Variants in KCNH4 observed in about 807,000 individuals in gnomAD.
KCNH4 encodes potassium voltage-gated channel subfamily H member 4, also known as voltage-gated delayed rectifier potassium channel KCNH4.
KCNH4 carries 33 observed loss-of-function variants against 90.7 expected under a neutral mutation model. That is an observed-to-expected ratio of 0.36 (90% CI 0.28 to 0.49). The LOEUF is 0.49. Among genes scored for constraint, KCNH4 ranks in the 20% least tolerant of loss-of-function variants. The pLI is 0.98. For synonymous variants in KCNH4, 551 were observed against 581.7 expected (o/e 0.95, Z 0.76); for missense variants, 1,044 against 1,387.1 (o/e 0.75, Z 3.93).
In KCNH4 at chr17:42,160,161, A is replaced by G. The variant is rs1256047970; in HGVS notation, c.2933T>C (p.Ile978Thr). The G allele has an allele frequency of 1.2e-6, 2 of 1,612,946 alleles. No homozygotes were observed. Among genetic ancestry groups the G allele is most frequent in the East Asian group, 2.2e-5 (1 of 44,856 alleles). ...AGGCTCTGAGGGGTAGGGGGGCAATATGGAAGGTCTCAAGTCCAGGAGCGC... is the reference window on the plus strand; with the variant it reads ...AGGCTCTGAGGGGTAGGGGGGCAATGTGGAAGGTCTCAAGTCCAGGAGCGC... ...GTALLDLRPS[I>T]LPPYPSEPDP... The change falls in exon 16 of 17, where the codon ATA becomes ACA. Residue 978 changes from isoleucine to threonine, a missense_variant. Ile to Thr is a moderately conservative substitution (Grantham distance 89, BLOSUM62 -1). Transcript: ENST00000264661.
rs1041559829 is a variant in KCNH4, at chr17:42,163,204, T to C, written c.2584+24A>G. The C allele has an allele frequency of 8.7e-6, 13 of 1,498,400 alleles. No individual in the cohort carries two copies. In the African/African-American group the frequency reaches 1.4e-4, roughly 16 times the overall value. 92.8% of individuals were successfully genotyped at this position (1,498,400 alleles called of 1,614,324 possible). On this transcript the variant is annotated intron_variant, in intron 14 of 16. Coordinates refer to ENST00000264661, the MANE Select transcript of KCNH4 (RefSeq NM_012285.3). The surrounding 1 kb of genome is among the most constrained non-coding windows in gnomAD (Gnocchi z 5.4). ...GTGGATGGGCAGATGGATGACGGGG[T>C]TGAAGTCCACTGTTGGCCCTTACCT...
chr17:42,169,822 G>A, intron 8 of KCNH4, 146 bp from the exon 9 acceptor site: 1 of 814,214 alleles, frequency 1.2e-6, no homozygotes, highest in East Asian at 2.6e-5. Context: ...GTGGGGAATA[G>A]GGAGTGGTCC....
chr17:42,162,511 G>A (rs2144120468), intron 14 of KCNH4, among the ~76,000 whole-genome samples, 190 bp from the exon 15 acceptor site: 1 of 152,216 alleles, frequency 6.6e-6, no homozygotes, highest in East Asian at 1.9e-4. Flanking sequence ...GCCTCATCCT[G>A]CCCCTTGCCC....
chr17:42,171,838 A>G lies in KCNH4; in HGVS notation c.1145T>C (p.Val382Ala), dbSNP rs746618708. The G allele has an allele frequency of 2.4e-5, 39 of 1,614,018 alleles. No homozygotes were observed. Among genetic ancestry groups the G allele is most frequent in the Non-Finnish European group, 3.3e-5 (39 of 1,180,024 alleles). ...LAHWMACIWY[V>A]IGRREMEAND... ...GGCCTCCATCTCCCGGCGCCCGATG[A>G]CATACCAGATGCAGGCCATCCAGTG... The change falls in exon 7 of 17, where the codon GTC becomes GCC. Residue 382 changes from valine to alanine, a missense_variant. Coordinates refer to ENST00000264661, the MANE Select transcript of KCNH4 (RefSeq NM_012285.3).
Position 42,165,660 on chromosome 17 carries a change from T to C in KCNH4, c.1874A>G (p.Glu625Gly). Residue 625 changes from glutamate (E) to glycine (G), a missense_variant, in exon 11 of 17, where the codon GAG becomes GGG. By Grantham distance (98) the Glu-to-Gly change is moderately conservative (BLOSUM62 -2). Transcript: ENST00000264661. Reference protein sequence around the residue: ...KGDLIGADIPEPGQEPGLGAD... With the variant: ...KGDLIGADIPGPGQEPGLGAD... ...TCCCAACCCAGGCTCCTGCCCCGGCTCAGGGATATCTGCTCCAATCAGGTC... is the reference window on the plus strand; with the variant it reads ...TCCCAACCCAGGCTCCTGCCCCGGCCCAGGGATATCTGCTCCAATCAGGTC... The C allele has an allele frequency of 2.5e-6, 4 of 1,614,172 alleles. No individual in the cohort carries two copies. The highest frequency in any genetic ancestry group is 2.5e-6 in the Non-Finnish European group (3 of 1,180,030).
At chr17:42,169,775 C>A (rs1293874726) in intron 8 of KCNH4, 99 bp from the exon 9 acceptor site, 2 of 1,246,430 alleles carry the variant, frequency 1.6e-6, no homozygotes, top group Non-Finnish European at 2.3e-6. Context: ...CCAGCGGGCT[C>A]CTGTGTGCCT....
At chr17:42,179,423 T>A (rs2079886300) in intron 1 of KCNH4, among the ~76,000 whole-genome samples, 1 of 152,248 alleles carries the variant, frequency 6.6e-6, no homozygotes, top group Non-Finnish European at 1.5e-5. Context: ...CTTCTGTGCC[T>A]AAGCTTTCCT....
rs1156589594 is a variant in KCNH4 at position 42,158,269 on chromosome 17, C to A, written c.*310-1151G>T. 6.1e-5 allele frequency among the ~76,000 whole-genome samples: 9 copies of A among 146,376 alleles called. No homozygotes were observed. In the East Asian group the frequency reaches 6.7e-4, roughly 11 times the overall value. On this transcript the variant is annotated intron_variant, in intron 16 of 16. Coordinates refer to ENST00000264661, the MANE Select transcript of KCNH4 (RefSeq NM_012285.3). ...GAAAAATATTTTGAAAAATATTTTT[C>A]AAAATAATCCCAGCACTTTGGGAGG...
In KCNH4 at chr17:42,180,139, C is replaced by T. The variant is rs1441281238; in HGVS notation, c.76+731G>A. Among the ~76,000 whole-genome samples, 1 of 152,220 alleles carries T rather than the reference C, an allele frequency of 6.6e-6. No homozygotes were observed. The highest frequency in any genetic ancestry group is 1.5e-5 in the Non-Finnish European group (1 of 68,034). ...GTAGGGCCCGGCGGCTCAGTTTCCG[C>T]CCTCGGGTACCGCTCCCCCACCATC... is the stretch of plus-strand genomic sequence containing the variant. On this transcript the variant is annotated intron_variant, in intron 1 of 16. Coordinates refer to ENST00000264661, the MANE Select transcript of KCNH4 (RefSeq NM_012285.3). This position sits in a 1 kb window ranked among gnomAD's most constrained non-coding sequence, Gnocchi z 4.7.
In KCNH4 at chr17:42,160,028, C is replaced by T; in HGVS notation, c.*12G>A. ...GCGCCCACCCCAGACAGGCCTGGGC[C>T]CTGGGCCAGGGTCAGTGGAACGTGT... On this transcript the variant is annotated 3_prime_UTR_variant, in exon 16 of 17. Transcript: ENST00000264661. The T allele has an allele frequency of 6.6e-7, 1 of 1,507,446 alleles. No individual in the cohort carries two copies. Among genetic ancestry groups the T allele is most frequent in the Non-Finnish European group, 8.9e-7 (1 of 1,127,400 alleles). 93.4% of individuals were successfully genotyped at this position (1,507,446 alleles called of 1,614,324 possible).
Position 42,165,450 on chromosome 17 carries a change from C to A in KCNH4, c.2084G>T (p.Ser695Ile). 6.2e-7 allele frequency: 1 copy of A among 1,614,076 alleles called. No homozygotes were observed. The highest frequency in any genetic ancestry group is 8.5e-7 in the Non-Finnish European group (1 of 1,180,000). Residue 695 changes from serine to isoleucine, a missense_variant and splice_region_variant, in exon 11 of 17, where the codon AGT (serine) becomes ATT (isoleucine). Ser to Ile is a moderately radical substitution (Grantham distance 142). Transcript: ENST00000264661. ...TFNLRQGSDT[S>I]GLSRFSRSPR... is the part of the protein sequence containing the mutation. ...GGCGGTCATCAGGGGTGTACATACA[C>A]TGGTGTCAGAGCCCTGGCGCAGGTT...
chr17:42,170,054 G>A (rs373948877), intron 8 of KCNH4, 53 bp downstream of exon 8: 27 of 1,508,618 alleles, frequency 1.8e-5, no homozygotes, highest in South Asian at 1.3e-4. Context: ...CAGTTTCCCC[G>A]TGCATGCTGG....
rs779312035 is a variant in KCNH4, at chr17:42,165,709, G to A, written c.1841-16C>T. On this transcript the variant is annotated splice_polypyrimidine_tract_variant and intron_variant, in intron 10 of 16. Coordinates refer to ENST00000264661, the MANE Select transcript of KCNH4 (RefSeq NM_012285.3). Reference sequence around the variant, plus strand: ...TCCCCCTTCCCTGTAGGTAAGGGATGGGGACAGTCAGCTGGGGCAGTGAGA... The same window carrying A: ...TCCCCCTTCCCTGTAGGTAAGGGATAGGGACAGTCAGCTGGGGCAGTGAGA... The A allele has an allele frequency of 3.7e-6, 6 of 1,613,738 alleles. No homozygotes were observed. The South Asian group carries it at 5.5e-5, about 15-fold the overall frequency.
Position 42,179,030 on chromosome 17 carries a change from T to A in KCNH4, c.77-4A>T, listed in dbSNP as rs371091701. ...TTGGCCAGCAGGAAGTTGCTGTCTG[T>A]GGGAAGAAGAGGTCAAGGTCAGGTC... On this transcript the variant is annotated splice_polypyrimidine_tract_variant and splice_region_variant and intron_variant, in intron 1 of 16. Coordinates refer to ENST00000264661, the MANE Select transcript of KCNH4 (RefSeq NM_012285.3). The A allele has an allele frequency of 1.2e-6, 2 of 1,610,784 alleles. No individual in the cohort carries two copies. Among genetic ancestry groups the A allele is most frequent in the Non-Finnish European group, 1.7e-6 (2 of 1,177,288 alleles).
At chr17:42,169,395 C>T in intron 9 of KCNH4, 82 bp downstream of exon 9, 1 of 1,321,098 alleles carries the variant, frequency 7.6e-7, no homozygotes, top group East Asian at 2.3e-5. Context: ...CCATTTTAAG[C>T]TACAGGGGCA....
At chr17:42,161,950 CTCTTTTTT>C (rs1568031225) in intron 15 of KCNH4, among the ~76,000 whole-genome samples, 1 of 144,710 alleles carries the variant, frequency 6.9e-6, no homozygotes, top group African/African-American at 2.6e-5. Context: ...GAATATCTCT[CTCTTTTTT>C]TTTTTTTTTT....
chr17:42,160,090 G>C lies in KCNH4; in HGVS notation c.3004C>G (p.Pro1002Ala). Residue 1002 changes from proline to alanine, a missense_variant, in exon 16 of 17, where the codon CCA (proline) becomes GCA (alanine). Pro to Ala is a conservative substitution (Grantham distance 27, BLOSUM62 -1). This residue lies in a region of KCNH4 where 441 missense variants were observed against 512.3 expected (regional missense o/e 0.86). Transcript: ENST00000264661. The stretch of plus-strand genomic sequence containing the variant: ...TGGAAACTGTGCCTCAAGAGGCTTG[G>C]GGTTGGGGGTGAGGCCTCTGGCACT... ...SPVPEASPPT[P>A]SLLRHSFQSR... 6.4e-7 allele frequency: 1 copy of C among 1,568,612 alleles called. No individual in the cohort carries two copies. The highest frequency in any genetic ancestry group is 8.7e-7 in the Non-Finnish European group (1 of 1,154,864).
intron 2 of KCNH4, 116 bp from the exon 3 acceptor site, chr17:42,178,593 A>C: frequency 7.4e-7 from 1 of 1,343,800 alleles, no homozygotes; most frequent in Non-Finnish European, 1.0e-6. Flanking sequence ...AAGAACCAAA[A>C]GGAACCTCAG....
chr17:42,165,572 C>T lies in KCNH4; in HGVS notation c.1962G>A (p.Leu654=). ...ADVKALTYCG[L]QQLSSRGLAE... ...CCAGCCCTCGGCTGCTCAGCTGCTG[C>T]AGGCCACAGTAGGTCAGAGCTTTCA... The change falls in exon 11 of 17, where the codon CTG becomes CTA. Residue 654 remains leucine (L), a synonymous_variant. Transcript: ENST00000264661. 1 of 1,614,220 alleles carries T rather than the reference C, an allele frequency of 6.2e-7. No individual in the cohort carries two copies. The highest frequency in any genetic ancestry group is 8.5e-7 in the Non-Finnish European group (1 of 1,180,036).
Sources: allele counts gnomAD v4.1 joint callset (sites outside exome capture counted in the v4.1 genomes callset), GRCh38; gene constraint gnomAD v4.1.1; regional missense constraint gnomAD v4.1.1; non-coding constraint Gnocchi (gnomAD v3.1); transcripts MANE v1.5; gene names NCBI Gene and HGNC (gene_info 2026-07-23, HGNC 2026-07-21).